CLYBL: variants seen among roughly 807,000 people sequenced by gnomAD.
CLYBL encodes the protein citramalyl-CoA lyase.
CLYBL carries 31 observed loss-of-function variants against 38.9 expected under a neutral mutation model. The ratio of observed to expected loss-of-function variants is 0.80; its 90% confidence interval spans 0.60 to 1.08. The LOEUF (loss-of-function observed/expected upper bound fraction) is 1.08, where lower values mean the gene tolerates loss of function less well. Ranked by LOEUF, CLYBL falls within the 50% of genes least tolerant of loss-of-function variation. The pLI is 0.00. For synonymous variants in CLYBL, 171 were observed against 158.6 expected (o/e 1.08, Z -0.59); for missense variants, 434 against 411.6 (o/e 1.05, Z -0.47).
At chr13:99,704,149 G>A (rs1028301937) in intron 1 of CLYBL, among the ~76,000 whole-genome samples, 1 of 152,210 alleles carries the variant, frequency 6.6e-6, no homozygotes, top group Non-Finnish European at 1.5e-5. Context: ...TCTTCTGAAT[G>A]AGGGTTGTCA....
At chr13:99,740,715 G>A (rs1445441015) in intron 1 of CLYBL, among the ~76,000 whole-genome samples, 1 of 152,194 alleles carries the variant, frequency 6.6e-6, no homozygotes, top group Non-Finnish European at 1.5e-5. Context: ...TCTTCCCAGA[G>A]GCTTTGGCTG....
intron 1 of CLYBL, among the ~76,000 whole-genome samples, chr13:99,769,775 C>T (rs2049343641): frequency 6.6e-6 from 1 of 152,106 alleles, no homozygotes; most frequent in African/African-American, 2.4e-5. Context: ...CAAAATAAGA[C>T]CCAGACTCAA....
chr13:99,826,814 C>T (rs546297831), intron 2 of CLYBL, among the ~76,000 whole-genome samples: 17 of 152,348 alleles, frequency 1.1e-4, no homozygotes, highest in African/African-American at 2.9e-4. Context: ...CTGAGATGCT[C>T]GCCCTGTTGG....
intron 1 of CLYBL, among the ~76,000 whole-genome samples, chr13:99,714,723 G>A (rs1343180942): frequency 2.0e-5 from 3 of 151,856 alleles, no homozygotes; most frequent in Non-Finnish European, 2.9e-5. Flanking sequence ...CGAGGTGGGC[G>A]GATCACTTGA....
intron 2 of CLYBL, among the ~76,000 whole-genome samples, chr13:99,780,497 C>T (rs150642321): frequency 2.2e-3 from 337 of 152,200 alleles, no homozygotes; most frequent in African/African-American, 7.6e-3. Context: ...TCTGCTGCCT[C>T]GGCCTCCCGA....
intron 2 of CLYBL, among the ~76,000 whole-genome samples, chr13:99,792,220 C>T (rs1377958804): frequency 6.6e-6 from 1 of 152,202 alleles, no homozygotes; most frequent in Non-Finnish European, 1.5e-5. Context: ...AAGGCAGCAC[C>T]ATCTGGCTGA....
At chr13:99,723,610 A>G (rs776768627) in intron 1 of CLYBL, among the ~76,000 whole-genome samples, 2 of 152,188 alleles carry the variant, frequency 1.3e-5, no homozygotes, top group Non-Finnish European at 2.9e-5. Flanking sequence ...CTTGAGGCCC[A>G]TCTTTTCCGT....
intron 1 of CLYBL, among the ~76,000 whole-genome samples, chr13:99,713,979 C>T (rs2048274609): frequency 6.6e-6 from 1 of 150,628 alleles, no homozygotes; most frequent in African/African-American, 2.4e-5. Flanking sequence ...GTACATGGCA[C>T]CTGGCCGTGT....
downstream of CLYBL, among the ~76,000 whole-genome samples, chr13:99,899,400 A>C (rs574236487): frequency 9.2e-5 from 14 of 152,320 alleles, no homozygotes; most frequent in Non-Finnish European, 1.5e-4. Context: ...GTTCCCTGGC[A>C]TCTTGCACCG....
chr13:99,888,040 G>A (rs918421490), intron 7 of CLYBL, among the ~76,000 whole-genome samples: 1 of 152,076 alleles, frequency 6.6e-6, no homozygotes, highest in Non-Finnish European at 1.5e-5. Flanking sequence ...ATTTTTAGTA[G>A]AGACAGGGTT....
intron 1 of CLYBL, among the ~76,000 whole-genome samples, chr13:99,767,803 A>G (rs950109812): frequency 6.6e-6 from 1 of 152,156 alleles, no homozygotes; most frequent in Non-Finnish European, 1.5e-5. Context: ...TATCTTTTTA[A>G]GTTTTCTATC....
At chr13:99,858,653 T>C (rs770315795) in intron 2 of CLYBL, among the ~76,000 whole-genome samples, 24 of 152,336 alleles carry the variant, frequency 1.6e-4, no homozygotes, top group South Asian at 6.2e-4. Context: ...GGCTATGTTA[T>C]AGCTATCGCG....
intron 1 of CLYBL, among the ~76,000 whole-genome samples, chr13:99,743,881 G>C (rs1333716112): frequency 1.3e-5 from 2 of 151,346 alleles, no homozygotes; most frequent in East Asian, 3.9e-4. Context: ...TGCTCCTGCA[G>C]TCTAGCGGTA....
At chr13:99,620,209 A>G (rs1594086318) in intron 1 of CLYBL, among the ~76,000 whole-genome samples, 2 of 152,242 alleles carry the variant, frequency 1.3e-5, no homozygotes, top group Admixed American at 6.5e-5. Context: ...GAGAAGGTAG[A>G]TATCCTAAAT....
At chr13:99,883,273 C>A (rs2052262494) in intron 7 of CLYBL, among the ~76,000 whole-genome samples, 1 of 152,116 alleles carries the variant, frequency 6.6e-6, no homozygotes, top group African/African-American at 2.4e-5. Flanking sequence ...GTAATCCCAG[C>A]ACTTTGGGAG....
intron 1 of CLYBL, among the ~76,000 whole-genome samples, chr13:99,666,761 A>T (rs1348228922): frequency 6.6e-6 from 1 of 152,214 alleles, no homozygotes; most frequent in Admixed American, 6.5e-5. Flanking sequence ...TACAGAATTT[A>T]CAGTATTAAT....
In CLYBL at chr13:99,843,849, A is replaced by G. The variant is rs2051139424; in HGVS notation, c.250-15012A>G. On this transcript the variant is annotated intron_variant, in intron 2 of 8. Transcript: ENST00000339105. ...ACTCCTGACCTCAGGTGATCTGCCC[A>G]CCTCGGCCTCCCAAAGTGCTGAGAT... Among the ~76,000 whole-genome samples the G allele has an allele frequency of 2.0e-5, 3 of 152,216 alleles. No homozygotes were observed. The South Asian group carries it at 6.2e-4, about 32-fold the overall frequency.
At chr13:99,809,514 G>A (rs1027854565) in intron 2 of CLYBL, among the ~76,000 whole-genome samples, 2 of 152,228 alleles carry the variant, frequency 1.3e-5, no homozygotes, top group African/African-American at 2.4e-5. Flanking sequence ...TTGGGGGAAG[G>A]CATTCCCCTT....
chr13:99,645,005 A>G (rs532178852), intron 1 of CLYBL, among the ~76,000 whole-genome samples: 1 of 152,324 alleles, frequency 6.6e-6, no homozygotes, highest in East Asian at 1.9e-4. Flanking sequence ...TCTTCAATAC[A>G]CTGCCTTCCT....
Sources: gnomAD v4.1 joint callset for allele counts (sites outside exome capture counted in the v4.1 genomes callset) on GRCh38, gnomAD v4.1.1 for gene constraint, MANE v1.5 for transcripts, NCBI Gene and HGNC (gene_info 2026-07-23, HGNC 2026-07-21) for gene names.